MEGF11: variants seen among roughly 807,000 people sequenced by gnomAD.
The protein encoded by MEGF11 is multiple EGF like domains 11, also known as multiple epidermal growth factor-like domains protein 11.
MEGF11 carries 126 observed loss-of-function variants against 146.6 expected under a neutral mutation model. The observed-to-expected ratio is 0.86, with a 90% CI of 0.74 to 1.00. The LOEUF (loss-of-function observed/expected upper bound fraction) is 1.00. MEGF11 is among the 50% of genes least tolerant of loss of function. MEGF11 has a pLI of 0.00. For synonymous variants in MEGF11, 532 were observed against 583.4 expected, an observed-to-expected ratio of 0.91 and a Z score of 1.27; for missense variants, 1,509 against 1,521.2, an observed-to-expected ratio of 0.99 and a Z score of 0.13.
At chr15:65,997,058 T>C (rs2082220800) in intron 5 of MEGF11, among the ~76,000 whole-genome samples, 1 of 152,210 alleles carries the variant, frequency 6.6e-6, no homozygotes, top group Non-Finnish European at 1.5e-5. Context: ...TTTATGTTAT[T>C]TGTGTCATGG....
At chr15:66,060,810 G>T (rs2084872827) in intron 5 of MEGF11, among the ~76,000 whole-genome samples, 1 of 152,244 alleles carries the variant, frequency 6.6e-6, no homozygotes, top group Non-Finnish European at 1.5e-5. Flanking sequence ...TGTGGACAGA[G>T]ATCTAGGAAT....
intron 5 of MEGF11, among the ~76,000 whole-genome samples, chr15:66,088,040 G>C (rs541763197): frequency 1.3e-5 from 2 of 152,282 alleles, no homozygotes; most frequent in Admixed American, 6.5e-5. Flanking sequence ...AGGCTACTAT[G>C]AACCCACCTT....
intron 5 of MEGF11, among the ~76,000 whole-genome samples, chr15:65,987,134 C>T (rs988257918): frequency 3.3e-5 from 5 of 152,270 alleles, no homozygotes; most frequent in South Asian, 2.1e-4. Flanking sequence ...GCTTCACCAC[C>T]GTCTTCTTCA....
intron 7 of MEGF11, among the ~76,000 whole-genome samples, chr15:65,972,663 C>T (rs2081331344): frequency 2.0e-5 from 3 of 152,188 alleles, no homozygotes; most frequent in Admixed American, 6.5e-5. Flanking sequence ...CCTTAAAAAT[C>T]CAGAGGAAAA....
intron 10 of MEGF11, among the ~76,000 whole-genome samples, chr15:65,944,436 G>A (rs1194676638): frequency 6.6e-6 from 1 of 152,218 alleles, no homozygotes; most frequent in Non-Finnish European, 1.5e-5. Flanking sequence ...AGGCGTGGCA[G>A]TGGGGCCACA....
Position 65,916,945 on chromosome 15 carries a change from CG to C in MEGF11, c.2097del (p.Phe701SerfsTer99), listed in dbSNP as rs759719238. On this transcript the variant is annotated frameshift_variant, in exon 17 of 26. Transcript: ENST00000395614. LOFTEE classifies it high-confidence loss of function. ...TGGAAGCAGGCGGGGCCCCAGAACC[CG>C]GGTGGGCAAGCTGGGATGTCGGTGA... ...IGKDCSQACP[P>X]GFWGPACFHA... 6.6e-7 allele frequency: 1 copy of C among 1,517,396 alleles called. No homozygotes were observed. The highest frequency in any genetic ancestry group is 1.3e-5 in the South Asian group (1 of 78,864). 94.0% of individuals were successfully genotyped at this position (1,517,396 alleles called of 1,614,324 possible). A position where few individuals can be genotyped will look rare whatever the true frequency, so the allele number is the denominator to read the frequency against.
At chr15:66,031,948 C>A (rs2083537237) in intron 5 of MEGF11, among the ~76,000 whole-genome samples, 1 of 152,218 alleles carries the variant, frequency 6.6e-6, no homozygotes, top group Non-Finnish European at 1.5e-5. Context: ...GGTGAGCGAG[C>A]ATTACTGCCT....
chr15:66,228,837 G>A (rs6494559), intron 1 of MEGF11, among the ~76,000 whole-genome samples: 19,768 of 151,992 alleles, frequency 0.13, 1,760 homozygotes, highest in African/African-American at 0.26. Context: ...AGTGGGGCAC[G>A]CCACAGGATG....
intron 1 of MEGF11, among the ~76,000 whole-genome samples, chr15:66,145,403 T>A (rs185414746): frequency 1.8e-4 from 27 of 152,198 alleles, no homozygotes; most frequent in African/African-American, 5.8e-4. Context: ...TGGCCATAAA[T>A]CTTCTGTGAG....
intron 10 of MEGF11, among the ~76,000 whole-genome samples, chr15:65,932,271 A>T (rs2079606488): frequency 6.6e-6 from 1 of 152,074 alleles, no homozygotes; most frequent in Non-Finnish European, 1.5e-5. Flanking sequence ...GGATGGGGGA[A>T]GGGGCCATGA....
chr15:66,220,893 A>C (rs1272857484), intron 1 of MEGF11, among the ~76,000 whole-genome samples: 1 of 152,138 alleles, frequency 6.6e-6, no homozygotes, highest in Non-Finnish European at 1.5e-5. Context: ...TGGTTACATA[A>C]ATTAATGCAT....
intron 13 of MEGF11, among the ~76,000 whole-genome samples, chr15:65,925,547 T>C (rs1038932844): frequency 6.6e-6 from 1 of 152,232 alleles, no homozygotes; most frequent in Non-Finnish European, 1.5e-5. Flanking sequence ...GGCCTTGGCC[T>C]TTGTGGGAGG....
At chr15:66,034,229 C>A (rs2083640325) in intron 5 of MEGF11, among the ~76,000 whole-genome samples, 2 of 152,172 alleles carry the variant, frequency 1.3e-5, no homozygotes, top group Admixed American at 1.3e-4. Context: ...GAATTTACCT[C>A]AAGATGAAAT....
At chr15:66,165,388 G>A (rs2090069549) in intron 1 of MEGF11, among the ~76,000 whole-genome samples, 1 of 152,140 alleles carries the variant, frequency 6.6e-6, no homozygotes, top group Non-Finnish European at 1.5e-5. Flanking sequence ...GTGTCCACAG[G>A]GCAGCTGACC....
chr15:66,133,465 A>T (rs1204199288), intron 1 of MEGF11, among the ~76,000 whole-genome samples: 2 of 152,258 alleles, frequency 1.3e-5, no homozygotes, highest in Non-Finnish European at 2.9e-5. Context: ...ATTATAGAAG[A>T]TACACACACA....
intron 5 of MEGF11, among the ~76,000 whole-genome samples, chr15:66,039,775 ACGG>A (rs2083878140): frequency 6.8e-6 from 1 of 147,706 alleles, no homozygotes; most frequent in Non-Finnish European, 1.5e-5. Flanking sequence ...CGGTGGGGTG[ACGG>A]TCCTGAGCCG....
intron 1 of MEGF11, among the ~76,000 whole-genome samples, chr15:66,218,348 G>T (rs145000084): frequency 6.6e-6 from 1 of 152,162 alleles, no homozygotes; most frequent in Non-Finnish European, 1.5e-5. Context: ...CAACACACCC[G>T]CATGCCAGGG....
rs55836767 is a variant in MEGF11, at chr15:66,079,538, C to G, written c.394+14864G>C. ...CTCCACCTGGGAACCTTCATTCACA[C>G]CCCCCCCCCCAGCACCCCCGCCAAA... On this transcript the variant is annotated intron_variant, in intron 5 of 25. Coordinates refer to ENST00000395614, the MANE Select transcript of MEGF11 (RefSeq NM_001385028.1). 2.3e-4 allele frequency among the ~76,000 whole-genome samples: 3 copies of G among 13,044 alleles called. 1 individual carries two copies. Among genetic ancestry groups the G allele is most frequent in the Non-Finnish European group, 5.2e-4 (3 of 5,730 alleles). The allele number at this position is 13,044 out of a possible 152,430, so 8.6% of individuals were successfully genotyped here. A position where few individuals can be genotyped will look rare whatever the true frequency, so the allele number is the denominator to read the frequency against.
At chr15:66,226,212 G>A (rs761092030) in intron 1 of MEGF11, among the ~76,000 whole-genome samples, 32 of 151,970 alleles carry the variant, frequency 2.1e-4, no homozygotes, top group Non-Finnish European at 4.0e-4. Flanking sequence ...ATCGACTGTC[G>A]GTGGTATCTC....
Sources: gnomAD v4.1 joint callset for allele counts (sites outside exome capture counted in the v4.1 genomes callset) on GRCh38, gnomAD v4.1.1 for gene constraint, MANE v1.5 for transcripts, NCBI Gene and HGNC (gene_info 2026-07-23, HGNC 2026-07-21) for gene names.